The following TMEM232 variants were observed in gnomAD, a reference collection of about 807,000 sequenced individuals.
TMEM232 encodes transmembrane protein 232.
TMEM232 carries 80 observed loss-of-function variants against 78.8 expected under a neutral mutation model. That is an observed-to-expected ratio of 1.01 (90% CI 0.85 to 1.22). TMEM232 has a LOEUF of 1.22. Ranked by LOEUF, TMEM232 falls within the 50% of genes most tolerant of loss-of-function variation. The pLI is 0.00. For missense variants in TMEM232, 881 were observed against 742.2 expected, an observed-to-expected ratio of 1.19 and a Z score of -2.17; for synonymous variants, 297 against 254.3, an observed-to-expected ratio of 1.17 and a Z score of -1.60.
chr5:110,574,064 G>A (rs1777279698), intron 10 of TMEM232, among the ~76,000 whole-genome samples: 1 of 151,766 alleles, frequency 6.6e-6, no homozygotes, highest in African/African-American at 2.4e-5. Context: ...ATCATAAGAT[G>A]CTTGTTAAAT....
intron 12 of TMEM232, among the ~76,000 whole-genome samples, chr5:110,462,962 G>T (rs1284102864): frequency 2.0e-5 from 3 of 152,100 alleles, no homozygotes; most frequent in Non-Finnish European, 2.9e-5. Context: ...TCTACTCCTG[G>T]TAAAGATGCT....
intron 12 of TMEM232, among the ~76,000 whole-genome samples, chr5:110,437,871 C>G (rs2112731799): frequency 6.6e-6 from 1 of 152,170 alleles, no homozygotes; most frequent in East Asian, 1.9e-4. Context: ...CTTCTTGTAC[C>G]TAGATAGGGC....
chr5:110,732,221 T>C (rs896955275), intron 2 of TMEM232, among the ~76,000 whole-genome samples: 1 of 152,244 alleles, frequency 6.6e-6, no homozygotes, highest in Non-Finnish European at 1.5e-5. Flanking sequence ...TCAAAGCCAC[T>C]GACAAGTCTC....
intron 2 of TMEM232, among the ~76,000 whole-genome samples, chr5:110,648,787 T>C (rs1787880666): frequency 1.3e-5 from 2 of 152,142 alleles, no homozygotes; most frequent in African/African-American, 4.8e-5. Flanking sequence ...TAAACGCATG[T>C]TCTTTGCAGG....
At chr5:110,446,035 A>AC (rs1279292734) in intron 12 of TMEM232, among the ~76,000 whole-genome samples, 5 of 152,202 alleles carry the variant, frequency 3.3e-5, no homozygotes, top group African/African-American at 1.2e-4. Context: ...GGCTAGGATC[A>AC]CCGGAGGCCA....
intron 10 of TMEM232, among the ~76,000 whole-genome samples, chr5:110,577,213 G>C (rs756770263): frequency 1.3e-5 from 2 of 151,988 alleles, no homozygotes; most frequent in Non-Finnish European, 2.9e-5. Flanking sequence ...GTAGGCAAAA[G>C]ATAGGAACAG....
chr5:110,501,158 A>T (rs1475725575), intron 12 of TMEM232, among the ~76,000 whole-genome samples: 2 of 152,162 alleles, frequency 1.3e-5, no homozygotes, highest in Non-Finnish European at 2.9e-5. Flanking sequence ...AGTGGTCCAA[A>T]CACTTTTTAC....
At chr5:110,518,404 A>C (rs1288324811) in intron 12 of TMEM232, among the ~76,000 whole-genome samples, 2 of 152,160 alleles carry the variant, frequency 1.3e-5, no homozygotes, top group Non-Finnish European at 2.9e-5. Context: ...CGGAATACAC[A>C]GAATGCATCT....
intron 10 of TMEM232, among the ~76,000 whole-genome samples, chr5:110,602,069 G>C (rs998738350): frequency 6.6e-6 from 1 of 152,120 alleles, no homozygotes. Flanking sequence ...TTAATAAATG[G>C]TGCTGGGAAA....
intron 2 of TMEM232, among the ~76,000 whole-genome samples, chr5:110,648,321 C>G (rs1787802893): frequency 6.6e-6 from 1 of 151,990 alleles, no homozygotes; most frequent in Non-Finnish European, 1.5e-5. Context: ...ATTGGTAAAA[C>G]CACCAACTGG....
chr5:110,603,717 G>C (rs1225351168), intron 10 of TMEM232, among the ~76,000 whole-genome samples: 1 of 151,948 alleles, frequency 6.6e-6, no homozygotes, highest in African/African-American at 2.4e-5. Flanking sequence ...TTGTACTTAA[G>C]AATAAAGATC....
At chr5:110,601,421 A>C (rs116712210) in intron 10 of TMEM232, among the ~76,000 whole-genome samples, 3,655 of 152,264 alleles carry the variant, frequency 0.024, 47 homozygotes, top group African/African-American at 0.031. Flanking sequence ...TCAGCCCAAA[A>C]ACTCCTCAAG....
In TMEM232 at chr5:110,614,944, A is replaced by G. The variant is rs900741276; in HGVS notation, c.902+3485T>C. Among the ~76,000 whole-genome samples, 39 of 152,008 alleles carry G rather than the reference A, an allele frequency of 2.6e-4. 1 individual carries two copies. The highest frequency in any genetic ancestry group is 5.4e-4 in the Non-Finnish European group (37 of 67,912). On this transcript the variant is annotated intron_variant, in intron 8 of 13. Coordinates refer to ENST00000455884, the MANE Select transcript of TMEM232 (RefSeq NM_001039763.4). ...AGTAAAATTATATTAAGTGCTATTT[A>G]TAGTAAATATCTATTTGCATTTTAG...
chr5:110,470,754 C>T (rs1320349353), intron 12 of TMEM232, among the ~76,000 whole-genome samples: 5 of 152,098 alleles, frequency 3.3e-5, no homozygotes, highest in Non-Finnish European at 5.9e-5. Flanking sequence ...TCTATGAAAG[C>T]CACTTTCTAA....
At chr5:110,587,151 T>C (rs1778911765) in intron 10 of TMEM232, among the ~76,000 whole-genome samples, 2 of 152,050 alleles carry the variant, frequency 1.3e-5, no homozygotes, top group African/African-American at 2.4e-5. Flanking sequence ...ATCAACATAA[T>C]GAGGCATTAT....
downstream of TMEM232, among the ~76,000 whole-genome samples, chr5:110,415,974 A>G (rs1253096384): frequency 6.6e-6 from 1 of 152,142 alleles, no homozygotes; most frequent in African/African-American, 2.4e-5. Context: ...TTTTATTTTT[A>G]TTTTGGCTTT....
intron 2 of TMEM232, among the ~76,000 whole-genome samples, chr5:110,401,751 C>A (rs191806268): frequency 4.9e-4 from 74 of 152,110 alleles, no homozygotes; most frequent in African/African-American, 1.7e-3. Flanking sequence ...ATTGAATTAA[C>A]TGCCAATATG....
chr5:110,729,021 A>AT (rs1465698438), upstream of TMEM232, among the ~76,000 whole-genome samples: 1 of 151,882 alleles, frequency 6.6e-6, no homozygotes, highest in African/African-American at 2.4e-5. Context: ...AGTACCTGGG[A>AT]TTACAGGCGC....
chr5:110,562,231 C>G (rs546495318), intron 11 of TMEM232, among the ~76,000 whole-genome samples: 3 of 152,220 alleles, frequency 2.0e-5, no homozygotes, highest in African/African-American at 7.2e-5. Flanking sequence ...ATGAAACCAC[C>G]TAAGTCTCCA....
Sources: allele counts gnomAD v4.1 joint callset (sites outside exome capture counted in the v4.1 genomes callset), GRCh38; gene constraint gnomAD v4.1.1; transcripts MANE v1.5; gene names NCBI Gene and HGNC (gene_info 2026-07-23, HGNC 2026-07-21).